ATP11C: variants seen among roughly 807,000 people sequenced by gnomAD.
ATP11C encodes the protein phospholipid-transporting ATPase IG.
ATP11C carries 36 observed loss-of-function variants against 97.4 expected under a neutral mutation model. The ratio of observed to expected loss-of-function variants is 0.37; its 90% CI spans 0.28 to 0.49. The LOEUF (loss-of-function observed/expected upper bound fraction) is 0.49, where lower values mean the gene tolerates loss of function less well. Ranked by LOEUF, ATP11C falls within the 20% of genes least tolerant of loss-of-function variation. The pLI, the probability that ATP11C is intolerant of heterozygous loss-of-function variation, is 0.98. For missense variants in ATP11C, 730 were observed against 824.6 expected (o/e 0.89, Z 1.40); for synonymous variants, 275 against 290.9 (o/e 0.95, Z 0.56).
At chrX:139,753,295 T>C (rs184432774) in intron 23 of ATP11C, among the ~76,000 whole-genome samples, 1 of 111,329 alleles carries the variant, frequency 9.0e-6, no homozygotes, top group East Asian at 2.8e-4. Context: ...GTGATAAAAA[T>C]AGAAATGAAT....
intron 1 of ATP11C, among the ~76,000 whole-genome samples, chrX:139,859,508 C>T (rs933106221): frequency 9.0e-6 from 1 of 111,625 alleles, no homozygotes; most frequent in Admixed American, 9.5e-5. Context: ...TGGAACTTTC[C>T]ATCAGGATTA....
chrX:139,748,997 G>A (rs2081751050), intron 24 of ATP11C, among the ~76,000 whole-genome samples: 1 of 111,641 alleles, frequency 9.0e-6, no homozygotes, highest in Non-Finnish European at 1.9e-5. Context: ...TTTAAGAGAT[G>A]CATAATGAAA....
At chrX:139,855,347 G>A (rs2084071966) in intron 1 of ATP11C, among the ~76,000 whole-genome samples, 1 of 111,722 alleles carries the variant, frequency 9.0e-6, no homozygotes, top group East Asian at 2.8e-4. Context: ...AAGTCTTTTA[G>A]CACATGTACC....
intron 1 of ATP11C, among the ~76,000 whole-genome samples, chrX:139,902,973 T>C (rs765333189): frequency 3.6e-5 from 4 of 111,926 alleles, no homozygotes; most frequent in Non-Finnish European, 7.5e-5. Flanking sequence ...AGAGATAACA[T>C]TGTCTATAAG....
chrX:139,914,930 T>A (rs1220237692), intron 1 of ATP11C, among the ~76,000 whole-genome samples: 2 of 111,764 alleles, frequency 1.8e-5, no homozygotes, highest in Middle Eastern at 4.6e-3. Context: ...CAAATGTGTA[T>A]AATAAACTAA....
intron 1 of ATP11C, among the ~76,000 whole-genome samples, chrX:139,888,283 G>A (rs182289730): frequency 2.8e-5 from 3 of 108,829 alleles, no homozygotes; most frequent in Admixed American, 9.9e-5. Context: ...ACAGGCGCCC[G>A]CCACAACGCC....
In ATP11C at chrX:139,762,072, C is replaced by A; in HGVS notation, c.2529G>T (p.Arg843Ser). 2 of 1,207,572 alleles carry A rather than the reference C, an allele frequency of 1.7e-6. No individual in the cohort carries two copies. The highest frequency in any genetic ancestry group is 2.2e-6 in the Non-Finnish European group (2 of 893,081). The change falls in exon 22 of 30, where the codon AGG (arginine) becomes AGT (serine). Residue 843 changes from arginine (R) to serine (S), a missense_variant. By Grantham distance (110) the Arg-to-Ser change is moderately radical. Transcript: ENST00000682941. Reference sequence around the variant, plus strand: ...ACTTTGGAACAGAATAATCGCTATTCCTAGCTGCTTGGCGACCTTCTTTGC... The same window carrying A: ...ACTTTGGAACAGAATAATCGCTATTACTAGCTGCTTGGCGACCTTCTTTGC... ...IKGKEGRQAARNSDYSVPKFK... is the reference protein window; with the variant it reads ...IKGKEGRQAASNSDYSVPKFK...
At chrX:139,778,593 C>A (rs1438089489) in intron 18 of ATP11C, among the ~76,000 whole-genome samples, 1 of 111,910 alleles carries the variant, frequency 8.9e-6, no homozygotes. Context: ...CTTAAGGAAG[C>A]TGAGGCAGGA....
chrX:139,764,650 A>C (rs917385210), intron 20 of ATP11C, among the ~76,000 whole-genome samples: 1 of 113,000 alleles, frequency 8.8e-6, no homozygotes, highest in African/African-American at 3.2e-5. Flanking sequence ...CATTTTCAAC[A>C]TAACTGAAGT....
In ATP11C at chrX:139,741,879, A is replaced by G. The variant is rs145808521; in HGVS notation, c.3031-785T>C. ...CCAGAGCAGTTAATTTTTATAGAGG[A>G]GATGGTGTCTCAGTTTTGTTACTTG... On this transcript the variant is annotated intron_variant, in intron 26 of 29. Coordinates refer to ENST00000682941, the MANE Select transcript of ATP11C (RefSeq NM_001353812.2). Among the ~76,000 whole-genome samples, 804 of 111,492 alleles carry G rather than the reference A, an allele frequency of 7.2e-3. 5 individuals carry two copies. Among genetic ancestry groups the G allele is most frequent in the African/African-American group, 0.024 (726 of 30,682 alleles).
chrX:139,889,085 G>T (rs2084690299), intron 1 of ATP11C, among the ~76,000 whole-genome samples: 1 of 111,987 alleles, frequency 8.9e-6, no homozygotes, highest in Non-Finnish European at 1.9e-5. Context: ...TAGGATTACA[G>T]GTGTGAGCCA....
intron 1 of ATP11C, among the ~76,000 whole-genome samples, chrX:139,867,862 T>C (rs896146347): frequency 8.9e-6 from 1 of 111,748 alleles, no homozygotes; most frequent in African/African-American, 3.3e-5. Flanking sequence ...CTGGGGCACA[T>C]ATGACTGTAT....
chrX:139,863,098 A>C (rs1050116118), intron 1 of ATP11C, among the ~76,000 whole-genome samples: 1 of 112,176 alleles, frequency 8.9e-6, no homozygotes, highest in Non-Finnish European at 1.9e-5. Flanking sequence ...CCAAAATTAT[A>C]CCATGTGCTA....
chrX:139,872,438 T>G (rs1436522061), intron 1 of ATP11C, among the ~76,000 whole-genome samples: 1 of 111,234 alleles, frequency 9.0e-6, no homozygotes, highest in Non-Finnish European at 1.9e-5. Context: ...TGTATATATG[T>G]GCCATGTTGG....
Position 139,783,190 on chromosome X carries a change from T to C in ATP11C, c.1744A>G (p.Lys582Glu), listed in dbSNP as rs2082500405. ...RVQNHEIELT[K>E]VHVERNAMDG... ...ATTGCATTACGTTCCACATGGACTT[T>C]AGTTAACTCAATTTCATGATTTTGC... The change falls in exon 17 of 30, where the codon AAA becomes GAA. Residue 582 changes from lysine (K) to glutamate (E), a missense_variant. Transcript: ENST00000682941. The C allele has an allele frequency of 8.3e-7, 1 of 1,207,169 alleles. No individual in the cohort carries two copies. Among genetic ancestry groups the C allele is most frequent in the Admixed American group, 2.2e-5 (1 of 45,947 alleles).
At chrX:139,895,485 G>T (rs2084791268) in intron 1 of ATP11C, among the ~76,000 whole-genome samples, 1 of 111,647 alleles carries the variant, frequency 9.0e-6, no homozygotes, top group Admixed American at 9.5e-5. Context: ...GGCCAGGCTG[G>T]TCTTGAACTC....
At chrX:139,736,170 C>T in intron 28 of ATP11C, among the ~76,000 whole-genome samples, 1 of 109,040 alleles carries the variant, frequency 9.2e-6, no homozygotes, top group Non-Finnish European at 1.9e-5. Flanking sequence ...AGAATCTGTT[C>T]GTGTGAAAAA....
rs767048189 is a variant in ATP11C, at chrX:139,891,106, G to A, written c.27+40910C>T. On this transcript the variant is annotated intron_variant, in intron 1 of 29. Coordinates refer to ENST00000682941, the MANE Select transcript of ATP11C (RefSeq NM_001353812.2). The stretch of plus-strand genomic sequence containing the variant: ...GAAGTTAGATATCCTTGTGGGGTGT[G>A]GGGTAAACAATGGGCAGCCTATGAA... 6.4e-5 allele frequency among the ~76,000 whole-genome samples: 7 copies of A among 108,591 alleles called. No homozygotes were observed. In the South Asian group the frequency reaches 2.5e-3, roughly 38 times the overall value. The allele number at this position is 108,591 out of a possible 115,157, so 94.3% of individuals were successfully genotyped here. A position where few individuals can be genotyped will look rare whatever the true frequency, so the allele number is the denominator to read the frequency against.
chrX:139,798,814 C>T, intron 8 of ATP11C, 71 bp from the exon 9 acceptor site: 7 of 794,933 alleles, frequency 8.8e-6, no homozygotes, highest in Non-Finnish European at 1.3e-5. Flanking sequence ...CAGATTTTGC[C>T]CTGACACACA....
Sources: gnomAD v4.1 joint callset for allele counts (sites outside exome capture counted in the v4.1 genomes callset) on GRCh38, gnomAD v4.1.1 for gene constraint, MANE v1.5 for transcripts, NCBI Gene and HGNC (gene_info 2026-07-23, HGNC 2026-07-21) for gene names.